The following GALNT13 variants were observed in gnomAD, a reference collection of about 807,000 sequenced individuals.
The protein encoded by GALNT13 is polypeptide N-acetylgalactosaminyltransferase 13.
A neutral mutation model predicts 64.2 loss-of-function variants in GALNT13; 28 were observed. The observed-to-expected ratio is 0.44, with a 90% CI of 0.32 to 0.60. GALNT13 has a LOEUF of 0.60. Ranked by LOEUF, GALNT13 falls within the 20% of genes least tolerant of loss-of-function variation. GALNT13 has a pLI of 0.05. For missense variants in GALNT13, 577 were observed against 669.8 expected (o/e 0.86, Z 1.53); for synonymous variants, 214 against 224.6 (o/e 0.95, Z 0.42).
At chr2:154,438,494 A>T in intron 11 of GALNT13, 98 bp from the exon 12 acceptor site, 2 of 808,768 alleles carry the variant, frequency 2.5e-6, no homozygotes, top group Non-Finnish European at 3.8e-6. Flanking sequence ...GTTTGAAAAC[A>T]CAAGTTTATC....
the GALNT13 span, among the ~76,000 whole-genome samples, chr2:153,208,973 C>CTTTTTTTTTTTTTTTTTTT: frequency 1.3e-4 from 10 of 74,682 alleles, 3 homozygotes; most frequent in Non-Finnish European, 1.9e-4. Context: ...TGGTTTTGGT[C>CTTTTTTTTTTTTTTTTTTT]TTTTTTTTTT....
At chr2:154,149,903 A>G (rs1683875471) in intron 4 of GALNT13, among the ~76,000 whole-genome samples, 1 of 152,090 alleles carries the variant, frequency 6.6e-6, no homozygotes, top group African/African-American at 2.4e-5. Flanking sequence ...TCTTTTCCTA[A>G]TTGAATACCC....
intron 10 of GALNT13, among the ~76,000 whole-genome samples, chr2:154,405,695 C>G (rs1313898992): frequency 1.3e-5 from 2 of 151,764 alleles, no homozygotes; most frequent in African/African-American, 2.4e-5. Context: ...GCCTGGGCGA[C>G]AGAGTGAGAC....
the GALNT13 span, among the ~76,000 whole-genome samples, chr2:153,852,111 A>C: frequency 6.6e-6 from 1 of 152,210 alleles, no homozygotes; most frequent in African/African-American, 2.4e-5. Context: ...GAAAGTAGAC[A>C]GAAATAGAAG....
At position 154,353,641 on chromosome 2, in the gene GALNT13, C is replaced by T. The variant is rs145797151; in HGVS notation, c.1157-42350C>T. Among the ~76,000 whole-genome samples, 7 of 152,248 alleles carry T rather than the reference C, an allele frequency of 4.6e-5. No homozygotes were observed. In the East Asian group the frequency reaches 1.2e-3, roughly 25 times the overall value. On this transcript the variant is annotated intron_variant, in intron 9 of 12. Coordinates refer to ENST00000392825, the MANE Select transcript of GALNT13 (RefSeq NM_052917.4). ...AAGTTTGACCTTTTTATTTTAATTT[C>T]ACATGTAATTGAGATCATGCAACAT...
chr2:153,629,326 C>T, the GALNT13 span, among the ~76,000 whole-genome samples: 1 of 151,570 alleles, frequency 6.6e-6, no homozygotes, highest in Non-Finnish European at 1.5e-5. Flanking sequence ...CAGAACAGAG[C>T]CCTCAGAAAT....
chr2:153,571,851 G>GA, the GALNT13 span, among the ~76,000 whole-genome samples: 1 of 151,938 alleles, frequency 6.6e-6, no homozygotes, highest in Admixed American at 6.6e-5. Context: ...TGGTTTGCTA[G>GA]TATTTTGTTG....
intron 3 of GALNT13, among the ~76,000 whole-genome samples, chr2:154,000,856 C>A (rs1017613128): frequency 1.4e-4 from 21 of 152,010 alleles, no homozygotes; most frequent in African/African-American, 5.1e-4. Context: ...GATTTTCTAC[C>A]TGAATGATCT....
At chr2:153,760,316 C>T in the GALNT13 span, among the ~76,000 whole-genome samples, 1 of 151,532 alleles carries the variant, frequency 6.6e-6, no homozygotes, top group African/African-American at 2.4e-5. Flanking sequence ...TTTCTTCTAA[C>T]TTTGGGCTTA....
At chr2:154,073,771 G>A (rs1700854831) in intron 3 of GALNT13, among the ~76,000 whole-genome samples, 1 of 151,806 alleles carries the variant, frequency 6.6e-6, no homozygotes, top group African/African-American at 2.4e-5. Flanking sequence ...GAGTTTTGAT[G>A]TAGTATCAAA....
At chr2:154,089,812 C>CTTT (rs58287232) in intron 3 of GALNT13, among the ~76,000 whole-genome samples, 15 of 140,986 alleles carry the variant, frequency 1.1e-4, no homozygotes, top group African/African-American at 3.9e-4. Flanking sequence ...AGATATTACC[C>CTTT]TTTTTTTTTT....
At chr2:153,208,684 G>A in the GALNT13 span, among the ~76,000 whole-genome samples, 1 of 152,088 alleles carries the variant, frequency 6.6e-6, no homozygotes, top group African/African-American at 2.4e-5. Flanking sequence ...AAATTAGTAG[G>A]TTGTATGATA....
chr2:153,872,630 G>GGGA (rs1686049740), intron 1 of GALNT13, among the ~76,000 whole-genome samples: 1 of 99,164 alleles, frequency 1.0e-5, no homozygotes, highest in Non-Finnish European at 2.2e-5. Context: ...GGGGGGGGGG[G>GGGA]GGGGAGCGGC....
At chr2:153,573,326 A>G in the GALNT13 span, among the ~76,000 whole-genome samples, 15 of 151,870 alleles carry the variant, frequency 9.9e-5, no homozygotes, top group Non-Finnish European at 2.1e-4. Context: ...TTTAGTCCAT[A>G]TGTGCCTTTT....
the GALNT13 span, among the ~76,000 whole-genome samples, chr2:153,840,746 A>T: frequency 6.6e-6 from 1 of 152,104 alleles, no homozygotes; most frequent in African/African-American, 2.4e-5. Flanking sequence ...AGCTAGAATG[A>T]CCCTGGAGGG....
intron 3 of GALNT13, among the ~76,000 whole-genome samples, chr2:154,113,825 C>T (rs1574525719): frequency 6.6e-6 from 1 of 152,240 alleles, no homozygotes; most frequent in African/African-American, 2.4e-5. Context: ...AGGTGCATTG[C>T]TGGCCTTGCC....
At chr2:154,349,850 C>A (rs115246881) in intron 9 of GALNT13, among the ~76,000 whole-genome samples, 3,677 of 152,268 alleles carry the variant, frequency 0.024, 61 homozygotes, top group Middle Eastern at 0.044. Flanking sequence ...TGTTCTTGCA[C>A]ATGTTTGCCA....
the GALNT13 span, among the ~76,000 whole-genome samples, chr2:153,114,544 G>A: frequency 6.6e-6 from 1 of 152,096 alleles, no homozygotes; most frequent in Non-Finnish European, 1.5e-5. Context: ...TTGGATTTCA[G>A]TGTGTAGAAA....
At chr2:153,726,949 A>C in the GALNT13 span, among the ~76,000 whole-genome samples, 119 of 148,346 alleles carry the variant, frequency 8.0e-4, no homozygotes, top group African/African-American at 2.6e-3. Context: ...CAAAAAAAAA[A>C]AAAAAAACAA....
Sources: allele counts gnomAD v4.1 joint callset (sites outside exome capture counted in the v4.1 genomes callset), GRCh38; gene constraint gnomAD v4.1.1; transcripts MANE v1.5; gene names NCBI Gene and HGNC (gene_info 2026-07-23, HGNC 2026-07-21).